LRRC75B: variants seen among roughly 807,000 people sequenced by gnomAD.
LRRC75B encodes the protein leucine-rich repeat-containing protein 75B.
Under a neutral mutation model 16.5 loss-of-function variants are expected in LRRC75B, and 20 were observed. The observed-to-expected ratio is 1.21, with a 90% confidence interval of 0.85 to 1.76. The LOEUF is 1.76. Among genes scored for constraint, LRRC75B ranks in the 40% most tolerant of loss-of-function variants. The probability of loss-of-function intolerance (pLI) is 0.00; values close to 1 mark genes in which losing one functional copy is unlikely to be tolerated. For missense variants in LRRC75B, 406 were observed against 417.0 expected, an observed-to-expected ratio of 0.97 and a Z score of 0.23; for synonymous variants, 199 against 198.1, an observed-to-expected ratio of 1.00 and a Z score of -0.04.
chr22:24,589,937 C>G lies in LRRC75B; in HGVS notation c.190G>C (p.Glu64Gln). The change falls in exon 2 of 4, where the codon GAG becomes CAG. Residue 64 changes from glutamate (E) to glutamine (Q), a missense_variant. By Grantham distance (29) the Glu-to-Gln change is conservative (BLOSUM62 2). Coordinates refer to ENST00000318753, the MANE Select transcript of LRRC75B (RefSeq NM_207644.3). ...LRLLRQDLGLERTLLPDILYR... is the reference protein window; with the variant it reads ...LRLLRQDLGLQRTLLPDILYR... ...AGGATATCAGGAAGGAGGGTCCTCT[C>G]AAGGCCCAGGTCCTGTGAGTGGTGA... 1.9e-6 allele frequency: 3 copies of G among 1,602,318 alleles called. No homozygotes were observed. The highest frequency in any genetic ancestry group is 2.6e-6 in the Non-Finnish European group (3 of 1,174,436).
chr22:24,592,792 G>T, intron 1 of LRRC75B, 71 bp downstream of exon 1: 1 of 1,271,058 alleles, frequency 7.9e-7, no homozygotes, highest in Non-Finnish European at 1.0e-6. Flanking sequence ...ATAGCCCCGC[G>T]CCTCCCAGAC....
At chr22:24,592,465 A>G (rs1245189605) in intron 1 of LRRC75B, 2 of 465,730 alleles carry the variant, frequency 4.3e-6, no homozygotes, top group African/African-American at 2.0e-5. Context: ...GTCTCTCAAT[A>G]CAAGATGATT....
intron 2 of LRRC75B, chr22:24,589,515 A>G (rs543267630): frequency 2.1e-6 from 1 of 472,552 alleles, no homozygotes; most frequent in South Asian, 3.7e-5. Context: ...GGGTCCCCAT[A>G]TGACTTCTGC....
intron 3 of LRRC75B, among the ~76,000 whole-genome samples, chr22:24,587,043 C>T (rs1289087395): frequency 6.6e-6 from 1 of 152,232 alleles, no homozygotes; most frequent in Admixed American, 6.5e-5. Flanking sequence ...GGTGAAGTAA[C>T]TCTTCCATGG....
At chr22:24,588,420 G>C in intron 2 of LRRC75B, 91 bp from the exon 3 acceptor site, 1 of 1,006,398 alleles carries the variant, frequency 9.9e-7, no homozygotes, top group Non-Finnish European at 1.5e-6. Context: ...CCAAGTGTGT[G>C]TGTGAGCACA....
intron 1 of LRRC75B, chr22:24,592,224 G>A: frequency 4.4e-6 from 2 of 453,230 alleles, no homozygotes; most frequent in Non-Finnish European, 4.5e-6. Context: ...TACCTGGTGT[G>A]TGTAGGAGCA....
chr22:24,586,010 G>A lies in LRRC75B; in HGVS notation c.824C>T (p.Thr275Ile). 6.2e-7 allele frequency: 1 copy of A among 1,611,020 alleles called. No individual in the cohort carries two copies. The highest frequency in any genetic ancestry group is 8.5e-7 in the Non-Finnish European group (1 of 1,179,896). The change falls in exon 4 of 4, where the codon ACC becomes ATC. Residue 275 changes from threonine to isoleucine, a missense_variant. By Grantham distance (89) the Thr-to-Ile change is moderately conservative. Coordinates refer to ENST00000318753, the MANE Select transcript of LRRC75B (RefSeq NM_207644.3). ...CTCAAGGTCCAGGCCCTCGTAGATGGTGGGGAGTGAGGTGCGCTGGCTCAG... is the reference window on the plus strand; with the variant it reads ...CTCAAGGTCCAGGCCCTCGTAGATGATGGGGAGTGAGGTGCGCTGGCTCAG... ...RRLSQRTSLP[T>I]IYEGLDLEPE... is the part of the protein sequence containing the mutation.
At chr22:24,592,228 A>T (rs916263215) in intron 1 of LRRC75B, 4 of 454,786 alleles carry the variant, frequency 8.8e-6, no homozygotes, top group African/African-American at 2.0e-5. Flanking sequence ...TGGTGTGTGT[A>T]GGAGCAGAGC....
chr22:24,592,455 G>A, intron 1 of LRRC75B: 1 of 469,582 alleles, frequency 2.1e-6, no homozygotes, highest in South Asian at 1.6e-5. Context: ...CTCTTCCATT[G>A]TCTCTCAATA....
intron 1 of LRRC75B, among the ~76,000 whole-genome samples, chr22:24,591,572 GA>G (rs1482605623): frequency 6.6e-6 from 1 of 152,226 alleles, no homozygotes; most frequent in Non-Finnish European, 1.5e-5. Flanking sequence ...TATGGAGCAG[GA>G]TAGGCCCCGG....
intron 1 of LRRC75B, among the ~76,000 whole-genome samples, chr22:24,592,056 A>C (rs1254733672): frequency 1.3e-5 from 2 of 152,020 alleles, no homozygotes; most frequent in Non-Finnish European, 2.9e-5. Flanking sequence ...TGCAGGCCGA[A>C]CACCTGCATG....
Position 24,586,143 on chromosome 22 carries a change from C to T in LRRC75B, c.691G>A (p.Ala231Thr). The T allele has an allele frequency of 6.2e-7, 1 of 1,613,396 alleles. No homozygotes were observed. Residue 231 changes from alanine (A) to threonine (T), a missense_variant, in exon 4 of 4, where the codon GCC becomes ACC. Physicochemically the swap from Ala to Thr is moderately conservative, Grantham distance 58. Transcript: ENST00000318753. ...TRATARKLTD[A>T]IKDTTKFPAL... The stretch of plus-strand genomic sequence containing the variant: ...GGGAACTTGGTGGTGTCCTTGATGG[C>T]ATCAGTGAGCTTGCGGGCAGTGGCC...
At position 24,586,213 on chromosome 22, in the gene LRRC75B, C is replaced by T. The variant is rs111248278; in HGVS notation, c.621G>A (p.Leu207=). 7.4e-5 allele frequency: 120 copies of T among 1,613,614 alleles called. 2 individuals carry two copies. The Middle Eastern group carries it at 9.9e-4, about 13-fold the overall frequency. Residue 207 remains leucine (L), a synonymous_variant, in exon 4 of 4, where the codon CTG becomes CTA. Coordinates refer to ENST00000318753, the MANE Select transcript of LRRC75B (RefSeq NM_207644.3). ...LHLLLPSLWA[L]PRLTQLLLNG... is the part of the protein sequence containing the mutation. ...TGAGCAGGAGCTGGGTGAGGCGGGG[C>T]AGCGCCCACAGGCTGGGCAGCAGGA...
chr22:24,586,514 A>T, intron 3 of LRRC75B, 103 bp from the exon 4 acceptor site: 2 of 1,213,952 alleles, frequency 1.6e-6, no homozygotes, highest in Non-Finnish European at 2.3e-6. Flanking sequence ...ACAGTCTGGC[A>T]AAGCCAGATT....
At chr22:24,592,599 G>T in intron 1 of LRRC75B, 1 of 512,280 alleles carries the variant, frequency 2.0e-6, no homozygotes, top group Middle Eastern at 3.4e-4. Flanking sequence ...CAAAGACCCG[G>T]ACACACTCAG....
At chr22:24,591,572 G>T (rs1222963803) in intron 1 of LRRC75B, among the ~76,000 whole-genome samples, 1 of 152,226 alleles carries the variant, frequency 6.6e-6, no homozygotes, top group Non-Finnish European at 1.5e-5. Context: ...TATGGAGCAG[G>T]ATAGGCCCCG....
intron 3 of LRRC75B, among the ~76,000 whole-genome samples, 182 bp from the exon 4 acceptor site, chr22:24,586,593 A>G (rs2045401345): frequency 6.6e-6 from 1 of 152,242 alleles, no homozygotes; most frequent in African/African-American, 2.4e-5. Context: ...GTGCAGTGGC[A>G]CAATCTCGGC....
chr22:24,589,543 G>T, intron 2 of LRRC75B: 1 of 462,812 alleles, frequency 2.2e-6, no homozygotes, highest in Non-Finnish European at 3.4e-6. Context: ...TAGTCTTCCT[G>T]GTCTGGGCCC....
At chr22:24,590,095 T>C (rs2045524230) in intron 1 of LRRC75B, 146 bp from the exon 2 acceptor site, 1 of 964,644 alleles carries the variant, frequency 1.0e-6, no homozygotes, top group Non-Finnish European at 1.5e-6. Context: ...CAGGCGGCCA[T>C]GGGCCAACAG....
Sources: gnomAD v4.1 joint callset for allele counts (sites outside exome capture counted in the v4.1 genomes callset) on GRCh38, gnomAD v4.1.1 for gene constraint, MANE v1.5 for transcripts, NCBI Gene and HGNC (gene_info 2026-07-23, HGNC 2026-07-21) for gene names.